ENAM: variants seen among roughly 807,000 people sequenced by gnomAD.
ENAM encodes the protein amelogenesis imperfecta 2, hypocalcification (autosomal dominant).
In ENAM, 21 loss-of-function variants were observed where a neutral mutation model predicts 33.6. The observed-to-expected ratio is 0.63, with a 90% CI of 0.44 to 0.90. The LOEUF is 0.90. ENAM is among the 40% of genes least tolerant of loss of function. ENAM has a pLI of 0.00. For synonymous variants in ENAM, 473 were observed against 468.4 expected, an observed-to-expected ratio of 1.01 and a Z score of -0.13; for missense variants, 1,388 against 1,366.9, an observed-to-expected ratio of 1.02 and a Z score of -0.24.
At position 70,642,254 on chromosome 4, in the gene ENAM, A is replaced by G. The variant is rs1473178102; in HGVS notation, c.828A>G (p.Gly276=). The change falls in exon 9 of 9, where the codon GGA becomes GGG. Residue 276 remains glycine (G), a synonymous_variant. Transcript: ENST00000396073. ...DTSPTGNSTP[G]LNTGNNPPAQ... ...GCCCCACAGGAAACAGTACCCCAGG[A>G]CTAAACACTGGGAACAACCCTCCAG... The G allele has an allele frequency of 6.2e-7, 1 of 1,614,090 alleles. No homozygotes were observed. Among genetic ancestry groups the G allele is most frequent in the Non-Finnish European group, 8.5e-7 (1 of 1,179,972 alleles).
rs1560405413 is a variant in ENAM, at chr4:70,643,916, C to T, written c.2490C>T (p.Asn830=). The change falls in exon 9 of 9, where the codon AAC becomes AAT. Residue 830 remains asparagine, a synonymous_variant. Coordinates refer to ENST00000396073, the MANE Select transcript of ENAM (RefSeq NM_031889.3). ...NPIWHEGENL[N]YGMQITRMNS... ...TATGGCATGAAGGTGAGAATTTGAA[C>T]TATGGCATGCAAATAACTAGGATGA... The T allele has an allele frequency of 2.5e-6, 4 of 1,614,132 alleles. No homozygotes were observed. Among genetic ancestry groups the T allele is most frequent in the Non-Finnish European group, 3.4e-6 (4 of 1,179,954 alleles).
chr4:70,632,985 T>C (rs1411585262), intron 5 of ENAM, among the ~76,000 whole-genome samples: 1 of 152,108 alleles, frequency 6.6e-6, no homozygotes, highest in Non-Finnish European at 1.5e-5. Flanking sequence ...TGGGAAAATA[T>C]CACATAAGAT....
chr4:70,632,828 G>T, intron 5 of ENAM, 136 bp downstream of exon 5: 3 of 718,166 alleles, frequency 4.2e-6, no homozygotes, highest in Non-Finnish European at 5.0e-6. Flanking sequence ...GTTTCAAGGT[G>T]GAAAAATTAT....
At chr4:70,630,921 T>C (rs946564318) in intron 2 of ENAM, among the ~76,000 whole-genome samples, 1 of 152,070 alleles carries the variant, frequency 6.6e-6, no homozygotes, top group African/African-American at 2.4e-5. Context: ...TTTGTATTTT[T>C]AGTAGAGACA....
rs774610819 is a variant in ENAM, at chr4:70,644,279, G to A, written c.2853G>A (p.Thr951=). ...SQNPFRDDVS[T]LRRNTPCSIK... is the part of the protein sequence containing the mutation. ...ACCCTTTTAGAGATGATGTGTCCAC[G>A]CTGAGGAGGAACACACCATGTTCTA... is the stretch of plus-strand genomic sequence containing the variant. The change falls in exon 9 of 9, where the codon ACG becomes ACA. Residue 951 remains threonine, a synonymous_variant. Transcript: ENST00000396073. 19 of 1,614,000 alleles carry A rather than the reference G, an allele frequency of 1.2e-5. No individual in the cohort carries two copies. In the African/African-American group the frequency reaches 1.2e-4, roughly 10 times the overall value.
Position 70,631,738 on chromosome 4 carries a change from A to G in ENAM, c.123A>G (p.Pro41=), listed in dbSNP as rs1313620149. 4 of 1,612,994 alleles carry G rather than the reference A, an allele frequency of 2.5e-6. No homozygotes were observed. Among genetic ancestry groups the G allele is most frequent in the Non-Finnish European group, 3.4e-6 (4 of 1,179,060 alleles). ...TTCTTGGTAATTCTGTTGCTATGCC[A>G]GTGAGTATTTTTTAAATGTTAGCTC... ...LGLLGNSVAM[P]MHMPRMPGFS... The change falls in exon 3 of 9, where the codon CCA becomes CCG. Residue 41 remains proline (P), a splice_region_variant and synonymous_variant. Transcript: ENST00000396073.
At chr4:70,633,381 C>A (rs1019921050) in intron 5 of ENAM, among the ~76,000 whole-genome samples, 4 of 152,150 alleles carry the variant, frequency 2.6e-5, no homozygotes, top group African/African-American at 7.2e-5. Context: ...TCTTCCTCAA[C>A]TTTTGATTGG....
At position 70,645,206 on chromosome 4, in the gene ENAM, C is replaced by T; in HGVS notation, c.*351C>T. The T allele has an allele frequency of 2.1e-6, 1 of 465,998 alleles. No homozygotes were observed. The highest frequency in any genetic ancestry group is 3.9e-6 in the Non-Finnish European group (1 of 259,132). 28.9% of individuals were successfully genotyped at this position (465,998 alleles called of 1,614,324 possible). A position where few individuals can be genotyped will look rare whatever the true frequency, so the allele number is the denominator to read the frequency against. ...TACTTGCAAAATTGGTTTTTCAAGA[C>T]TGAAAGGCAGATTAACTTTCCATTC... is the stretch of plus-strand genomic sequence containing the variant. On this transcript the variant is annotated 3_prime_UTR_variant, in exon 9 of 9. Transcript: ENST00000396073.
rs2148524754 is a variant in ENAM, at chr4:70,646,529, T to G, written c.*1674T>G. The G allele has an allele frequency of 6.6e-6, 1 of 152,304 alleles. No homozygotes were observed. Among genetic ancestry groups the G allele is most frequent in the Admixed American group, 6.5e-5 (1 of 15,300 alleles). The allele number at this position is 152,304 out of a possible 1,614,324, so 9.4% of individuals were successfully genotyped here. ...TATATCAATTCATTTTTTAATGACT[T>G]TCAACACTCCCATGAAAACACCGTA... On this transcript the variant is annotated 3_prime_UTR_variant, in exon 9 of 9. Coordinates refer to ENST00000396073, the MANE Select transcript of ENAM (RefSeq NM_031889.3).
Position 70,632,677 on chromosome 4 carries a change from T to C in ENAM, c.195T>C (p.Phe65=), listed in dbSNP as rs200280578. The change falls in exon 5 of 9, where the codon TTT becomes TTC. Residue 65 remains phenylalanine, a synonymous_variant. Transcript: ENST00000396073. The part of the protein sequence containing the change: ...EEMMRYNQFN[F]MNGPHMAHLG... ...TGATGCGGTATAATCAATTCAACTT[T>C]ATGAACGGCCCACATGTAAGTTTTT... 3.1e-6 allele frequency: 5 copies of C among 1,603,502 alleles called. No homozygotes were observed. The highest frequency in any genetic ancestry group is 4.3e-6 in the Non-Finnish European group (5 of 1,170,540).
chr4:70,634,244 G>T (rs1738392032), intron 5 of ENAM, 64 bp from the exon 6 acceptor site: 2 of 1,521,840 alleles, frequency 1.3e-6, no homozygotes, highest in East Asian at 2.3e-5. Context: ...GCTGACATTA[G>T]AGGATGGAGA....
Position 70,634,471 on chromosome 4 carries a change from C to A in ENAM, c.374C>A (p.Pro125His). Residue 125 changes from proline (P) to histidine (H), a missense_variant, in exon 6 of 9, where the codon CCC becomes CAC. Physicochemically the swap from Pro to His is moderately conservative, Grantham distance 77. Coordinates refer to ENST00000396073, the MANE Select transcript of ENAM (RefSeq NM_031889.3). ...GATCAGACCCAAGAAACCCAGAAAC[C>A]CAACCAGACTCAGTCAAAAAAGCCA... Reference protein sequence around the residue: ...KTDQTQETQKPNQTQSKKPPQ... With the variant: ...KTDQTQETQKHNQTQSKKPPQ... 1 of 1,614,084 alleles carries A rather than the reference C, an allele frequency of 6.2e-7. No homozygotes were observed. The highest frequency in any genetic ancestry group is 8.5e-7 in the Non-Finnish European group (1 of 1,180,010).
rs374823061 is a variant in ENAM at position 70,634,561 on chromosome 4, C to T, written c.464C>T (p.Pro155Leu). 91 of 1,614,106 alleles carry T rather than the reference C, an allele frequency of 5.6e-5. No individual in the cohort carries two copies. The African/African-American group carries it at 8.5e-4, about 15-fold the overall frequency. The change falls in exon 6 of 9, where the codon CCC becomes CTC. Residue 155 changes from proline (P) to leucine (L), a missense_variant. Physicochemically the swap from Pro to Leu is moderately conservative, Grantham distance 98. Transcript: ENST00000396073. Reference sequence around the variant, plus strand: ...CCTCAGCCCGAAGAGGAAGCTCAACCCCCTCAGGTGAGACTTGCACAGAAA... The same window carrying T: ...CCTCAGCCCGAAGAGGAAGCTCAACTCCCTCAGGTGAGACTTGCACAGAAA... Reference protein sequence around the residue: ...NQPQPEEEAQPPQAFPPFGNG... With the variant: ...NQPQPEEEAQLPQAFPPFGNG...
intron 6 of ENAM, among the ~76,000 whole-genome samples, chr4:70,635,344 T>TG (rs1341843647): frequency 3.9e-4 from 59 of 152,212 alleles, no homozygotes; most frequent in Non-Finnish European, 7.9e-4. Context: ...GCCACTGCAC[T>TG]CCAGCCTGGG....
chr4:70,641,349 TTTTC>T (rs1451588654), intron 8 of ENAM, among the ~76,000 whole-genome samples: 17 of 151,924 alleles, frequency 1.1e-4, no homozygotes, highest in East Asian at 5.8e-4. Context: ...TAGAATTCTT[TTTTC>T]TTTCTTTCTT....
Position 70,644,576 on chromosome 4 carries a change from T to C in ENAM, c.3150T>C (p.Ser1050=). Residue 1050 remains serine, a synonymous_variant, in exon 9 of 9, where the codon TCT becomes TCC. Coordinates refer to ENST00000396073, the MANE Select transcript of ENAM (RefSeq NM_031889.3). ...NESERQQQRP[S]NILHLPCFGS... ...GTGAGAGGCAACAGCAAAGACCATC[T>C]AACATTCTGCATTTGCCATGCTTTG... 1 of 1,613,370 alleles carries C rather than the reference T, an allele frequency of 6.2e-7. No homozygotes were observed. The highest frequency in any genetic ancestry group is 1.1e-5 in the South Asian group (1 of 91,032).
At chr4:70,636,914 C>T (rs555700920) in intron 7 of ENAM, among the ~76,000 whole-genome samples, 57 of 152,216 alleles carry the variant, frequency 3.7e-4, no homozygotes, top group Admixed American at 5.9e-4. Context: ...ACTTTTTGAA[C>T]TAAAGAAATG....
In ENAM at chr4:70,642,647, G is replaced by A; in HGVS notation, c.1221G>A (p.Gly407=). ...CAAATCTCAGAAGAAAGCCTCAGGG[G>A]CCAAATAAACACCCTGTAGGAACTA... The part of the protein sequence containing the change: ...NPANLRRKPQ[G]PNKHPVGTTV... The change falls in exon 9 of 9, where the codon GGG becomes GGA. Residue 407 remains glycine, a synonymous_variant. Transcript: ENST00000396073. The A allele has an allele frequency of 6.2e-7, 1 of 1,613,812 alleles. No homozygotes were observed. The highest frequency in any genetic ancestry group is 8.5e-7 in the Non-Finnish European group (1 of 1,179,900).
At chr4:70,631,293 A>G (rs572183824) in intron 2 of ENAM, among the ~76,000 whole-genome samples, 1 of 152,270 alleles carries the variant, frequency 6.6e-6, no homozygotes, top group Non-Finnish European at 1.5e-5. Context: ...ACTAGTAACT[A>G]GAAACTCAAA....
Sources: gnomAD v4.1 joint callset for allele counts (sites outside exome capture counted in the v4.1 genomes callset) on GRCh38, gnomAD v4.1.1 for gene constraint, MANE v1.5 for transcripts, NCBI Gene and HGNC (gene_info 2026-07-23, HGNC 2026-07-21) for gene names.